NR3C2: variants seen among roughly 807,000 people sequenced by gnomAD.
NR3C2 encodes the protein mineralocorticoid receptor.
In NR3C2, 15 loss-of-function variants were observed where a neutral mutation model predicts 86.4. The ratio of observed to expected loss-of-function variants is 0.17; its 90% CI spans 0.12 to 0.27. The LOEUF (loss-of-function observed/expected upper bound fraction) is 0.27. NR3C2 is among the 10% of genes least tolerant of loss of function. The pLI, the probability that NR3C2 is intolerant of heterozygous loss-of-function variation, is 1.00. For missense variants in NR3C2, 960 were observed against 1,195.6 expected (o/e 0.80, Z 2.91); for synonymous variants, 458 against 450.5 (o/e 1.02, Z -0.21).
rs544237416 is a variant in NR3C2 at position 148,098,423 on chromosome 4, T to C, written c.2799+15681A>G. Among the ~76,000 whole-genome samples, 3 of 152,246 alleles carry C rather than the reference T, an allele frequency of 2.0e-5. No homozygotes were observed. In the East Asian group the frequency reaches 5.8e-4, roughly 29 times the overall value. Reference sequence around the variant, plus strand: ...GAACATAGACAGCACTGGGGCTCTATGCTTGTGGGCCATCTCAACAGTAGA... The same window carrying C: ...GAACATAGACAGCACTGGGGCTCTACGCTTGTGGGCCATCTCAACAGTAGA... On this transcript the variant is annotated intron_variant, in intron 8 of 8. Transcript: ENST00000358102.
Position 148,111,853 on chromosome 4 carries a change from G to A in NR3C2, c.2799+2251C>T, listed in dbSNP as rs184778664. Among the ~76,000 whole-genome samples, 415 of 152,256 alleles carry A rather than the reference G, an allele frequency of 2.7e-3. 3 individuals are homozygous for A. The highest frequency in any genetic ancestry group is 9.4e-3 in the African/African-American group (391 of 41,556). On this transcript the variant is annotated intron_variant, in intron 8 of 8. Transcript: ENST00000358102. ...AGGAGTGTAGGTGGAAAGATTGAAG[G>A]AAGGCTGGAGAAAACTTCTGGGGTG...
rs748007884 is a variant in NR3C2 at position 148,436,026 on chromosome 4, A to T, written c.835T>A (p.Cys279Ser). 4.3e-6 allele frequency: 7 copies of T among 1,614,184 alleles called. No individual in the cohort carries two copies. The highest frequency in any genetic ancestry group is 5.9e-6 in the Non-Finnish European group (7 of 1,180,026). ...CTGGAGACTGGAGATTTTACACTGC[A>T]GTGACTTGGAGGGCTGGAAATTGAG... ...KSSISSPPSHCSVKSPVSSPN... is the reference protein window; with the variant it reads ...KSSISSPPSHSSVKSPVSSPN... Residue 279 changes from cysteine to serine, a missense_variant, in exon 2 of 9, where the codon TGC becomes AGC. Cys to Ser is a moderately radical substitution (Grantham distance 112). Around this residue, in one of 4 missense-constraint regions of NR3C2, gnomAD observed 680 missense variants for 719.0 expected, o/e 0.95. Coordinates refer to ENST00000358102, the MANE Select transcript of NR3C2 (RefSeq NM_000901.5).
chr4:148,284,014 C>T (rs1741387823), intron 2 of NR3C2, among the ~76,000 whole-genome samples: 1 of 152,138 alleles, frequency 6.6e-6, no homozygotes, highest in African/African-American at 2.4e-5. Context: ...TGACCTTCTA[C>T]CACATACCTT....
At chr4:148,270,222 GT>G (rs1473182809) in intron 2 of NR3C2, among the ~76,000 whole-genome samples, 2 of 152,030 alleles carry the variant, frequency 1.3e-5, no homozygotes, top group Admixed American at 6.5e-5. Context: ...TTCCCCTAGT[GT>G]TTTTCCTCAC....
chr4:148,176,228 AT>A (rs935303993), intron 4 of NR3C2, among the ~76,000 whole-genome samples: 5 of 152,154 alleles, frequency 3.3e-5, no homozygotes, highest in Non-Finnish European at 5.9e-5. Flanking sequence ...AACTGGGTTC[AT>A]TTTTTTGGTA....
chr4:148,359,028 T>C (rs961722130), intron 2 of NR3C2, among the ~76,000 whole-genome samples: 2 of 152,102 alleles, frequency 1.3e-5, no homozygotes, highest in Non-Finnish European at 2.9e-5. Flanking sequence ...ATTCAGATCA[T>C]TTACCAGGAG....
At chr4:148,275,679 C>T (rs187550082) in intron 2 of NR3C2, among the ~76,000 whole-genome samples, 1 of 152,326 alleles carries the variant, frequency 6.6e-6, no homozygotes, top group African/African-American at 2.4e-5. Flanking sequence ...ATCCACCCGC[C>T]TTGGCCTCTC....
Position 148,366,479 on chromosome 4 carries a change from C to CTTTTAAAAAAGAATACTTTTTAAAAAGTA in NR3C2, c.1757+68624_1757+68625insTACTTTTTAAAAAGTATTCTTTTTTAAAA, listed in dbSNP as rs1561066879. 8.1e-4 allele frequency among the ~76,000 whole-genome samples: 5 copies of CTTTTAAAAAAGAATACTTTTTAAAAAGTA among 6,170 alleles called. 1 individual carries two copies. Among genetic ancestry groups the CTTTTAAAAAAGAATACTTTTTAAAAAGTA allele is most frequent in the African/African-American group, 2.1e-3 (5 of 2,404 alleles). The allele number at this position is 6,170 out of a possible 152,430, so 4.0% of individuals were successfully genotyped here. A position where few individuals can be genotyped will look rare whatever the true frequency, so the allele number is the denominator to read the frequency against. ...AAAAAAGAATACTTTTTAAAAAGTA[C>CTTTTAAAAAAGAATACTTTTTAAAAAGTA]TCAGCACTTTTAAAAAAGAATACTA... is the stretch of plus-strand genomic sequence containing the variant. On this transcript the variant is annotated intron_variant, in intron 2 of 8. Transcript: ENST00000358102.
intron 3 of NR3C2, among the ~76,000 whole-genome samples, chr4:148,198,369 T>C (rs1215294839): frequency 1.3e-5 from 2 of 152,216 alleles, no homozygotes. Flanking sequence ...TTTGTTATAC[T>C]TGGCCTGGTC....
intron 6 of NR3C2, among the ~76,000 whole-genome samples, chr4:148,123,881 T>C (rs550545903): frequency 1.3e-5 from 2 of 152,372 alleles, no homozygotes; most frequent in Admixed American, 6.5e-5. Context: ...ACTTTACTCC[T>C]GAGTTCAGTT....
chr4:148,211,773 G>A (rs1289170941), intron 3 of NR3C2, among the ~76,000 whole-genome samples: 2 of 152,154 alleles, frequency 1.3e-5, no homozygotes, highest in Non-Finnish European at 2.9e-5. Context: ...AAAACAAGGT[G>A]GATGGCATTC....
intron 2 of NR3C2, among the ~76,000 whole-genome samples, chr4:148,308,573 G>T (rs566996376): frequency 1.3e-5 from 2 of 152,156 alleles, no homozygotes; most frequent in Non-Finnish European, 2.9e-5. Flanking sequence ...GATACTAGAG[G>T]CTGGGAAGGG....
chr4:148,320,975 G>T (rs1743549207), intron 2 of NR3C2, among the ~76,000 whole-genome samples: 1 of 149,474 alleles, frequency 6.7e-6, no homozygotes, highest in Non-Finnish European at 1.5e-5. Context: ...ATGTTAGGGT[G>T]TCAATTTTGG....
At chr4:148,226,274 C>A (rs770784698) in intron 3 of NR3C2, among the ~76,000 whole-genome samples, 4 of 152,148 alleles carry the variant, frequency 2.6e-5, no homozygotes, top group African/African-American at 7.2e-5. Context: ...CTCTCTCCAG[C>A]CAATCCCCGC....
chr4:148,371,525 C>T (rs180821795), intron 2 of NR3C2, among the ~76,000 whole-genome samples: 1 of 151,934 alleles, frequency 6.6e-6, no homozygotes, highest in African/African-American at 2.4e-5. Flanking sequence ...AATTAAATAA[C>T]CATATCCCAT....
chr4:148,259,298 G>C (rs1027962164), intron 3 of NR3C2, among the ~76,000 whole-genome samples: 1 of 152,220 alleles, frequency 6.6e-6, no homozygotes, highest in South Asian at 2.1e-4. Flanking sequence ...TCTGGTCTAA[G>C]TCTGATGGTA....
At chr4:148,388,761 T>C (rs1166327919) in intron 2 of NR3C2, among the ~76,000 whole-genome samples, 1 of 152,176 alleles carries the variant, frequency 6.6e-6, no homozygotes, top group East Asian at 1.9e-4. Flanking sequence ...GAAGACCCAG[T>C]AGGGGTGGCT....
chr4:148,360,743 T>C (rs561183463), intron 2 of NR3C2, among the ~76,000 whole-genome samples: 2 of 152,302 alleles, frequency 1.3e-5, no homozygotes, highest in Admixed American at 1.3e-4. Context: ...GAGAATTAAT[T>C]AAAAATCTGT....
intron 2 of NR3C2, among the ~76,000 whole-genome samples, chr4:148,307,655 T>C (rs561274379): frequency 2.8e-4 from 42 of 152,266 alleles, no homozygotes; most frequent in African/African-American, 9.6e-4. Context: ...CATCTAGAGA[T>C]GGTGCCAGCA....
Sources: allele counts gnomAD v4.1 joint callset (sites outside exome capture counted in the v4.1 genomes callset), GRCh38; gene constraint gnomAD v4.1.1; regional missense constraint gnomAD v4.1.1; transcripts MANE v1.5; gene names NCBI Gene and HGNC (gene_info 2026-07-23, HGNC 2026-07-21).